The following ANKFN1 variants were observed in gnomAD, a reference collection of about 807,000 sequenced individuals.
The protein encoded by ANKFN1 is ankyrin repeat and fibronectin type III domain containing 1.
A neutral mutation model predicts 108.7 loss-of-function variants in ANKFN1; 74 were observed. That is an observed-to-expected ratio of 0.68 (90% CI 0.56 to 0.83). ANKFN1 has a LOEUF of 0.83. Among genes scored for constraint, ANKFN1 ranks in the 40% least tolerant of loss-of-function variants. The pLI, the probability that ANKFN1 is intolerant of heterozygous loss-of-function variation, is 0.00. For missense variants in ANKFN1, 1,505 were observed against 1,382.3 expected, an observed-to-expected ratio of 1.09 and a Z score of -1.41; for synonymous variants, 547 against 516.2, an observed-to-expected ratio of 1.06 and a Z score of -0.81.
chr17:56,416,587 A>G (rs1268286460), intron 8 of ANKFN1, among the ~76,000 whole-genome samples: 1 of 152,210 alleles, frequency 6.6e-6, no homozygotes, highest in Non-Finnish European at 1.5e-5. Flanking sequence ...AGAAAAGGAA[A>G]TCCTCGTACG....
intron 2 of ANKFN1, 72 bp from the exon 3 acceptor site, chr17:56,227,845 G>T: frequency 8.2e-7 from 1 of 1,223,512 alleles, no homozygotes; most frequent in Non-Finnish European, 1.2e-6. Flanking sequence ...GGCTTCAAAC[G>T]TGACTCCTTT....
intron 4 of ANKFN1, among the ~76,000 whole-genome samples, chr17:56,087,816 G>A (rs570977603): frequency 1.3e-5 from 2 of 151,346 alleles, no homozygotes; most frequent in Non-Finnish European, 3.0e-5. Context: ...TGGCGGCTTT[G>A]GCACTGCAAT....
chr17:56,283,070 C>T (rs572239408), intron 3 of ANKFN1, among the ~76,000 whole-genome samples: 14 of 151,980 alleles, frequency 9.2e-5, no homozygotes, highest in Non-Finnish European at 1.8e-4. Flanking sequence ...ATTTCATCAC[C>T]CAGGTAATAA....
At chr17:56,483,374 C>T (rs1392501520) in intron 18 of ANKFN1, among the ~76,000 whole-genome samples, 1 of 152,138 alleles carries the variant, frequency 6.6e-6, no homozygotes. Context: ...TGGAGGCAGA[C>T]CCTCTCTGGA....
At chr17:56,119,300 G>C (rs1273502261) in intron 4 of ANKFN1, among the ~76,000 whole-genome samples, 1 of 152,144 alleles carries the variant, frequency 6.6e-6, no homozygotes, top group Non-Finnish European at 1.5e-5. Context: ...ACAAGAGCTT[G>C]TAATGCTCCT....
chr17:56,170,775 TATATATATATATA>T (rs1172702477), intron 1 of ANKFN1, among the ~76,000 whole-genome samples: 11 of 50,294 alleles, frequency 2.2e-4, no homozygotes, highest in African/African-American at 1.4e-3. Context: ...AAAAATTTTT[TATATATATATATA>T]TATATATATA....
chr17:56,122,875 A>T (rs889522468), intron 4 of ANKFN1, among the ~76,000 whole-genome samples: 1 of 152,192 alleles, frequency 6.6e-6, no homozygotes, highest in African/African-American at 2.4e-5. Flanking sequence ...ATTATGAGGC[A>T]CCACTTGGCT....
chr17:56,310,619 A>G (rs1451322784), intron 3 of ANKFN1, among the ~76,000 whole-genome samples: 1 of 151,566 alleles, frequency 6.6e-6, no homozygotes, highest in African/African-American at 2.4e-5. Context: ...TCCATCTCAA[A>G]AAAAAAAAAG....
intron 8 of ANKFN1, among the ~76,000 whole-genome samples, chr17:56,406,462 C>T (rs913851658): frequency 3.3e-5 from 5 of 152,012 alleles, no homozygotes; most frequent in African/African-American, 7.2e-5. Context: ...ATAAATTTCC[C>T]CAAAAGAGTC....
At chr17:56,244,882 AT>A (rs908988451) in intron 3 of ANKFN1, among the ~76,000 whole-genome samples, 1 of 151,796 alleles carries the variant, frequency 6.6e-6, no homozygotes, top group Non-Finnish European at 1.5e-5. Flanking sequence ...TCAGATGGCC[AT>A]TTTTTTTGTT....
chr17:56,387,503 A>G (rs2047310352), intron 8 of ANKFN1, among the ~76,000 whole-genome samples: 1 of 152,240 alleles, frequency 6.6e-6, no homozygotes, highest in Non-Finnish European at 1.5e-5. Flanking sequence ...TGCACATATC[A>G]TATGTTAAAA....
intron 1 of ANKFN1, among the ~76,000 whole-genome samples, chr17:56,208,929 C>A (rs897945839): frequency 3.3e-5 from 5 of 151,928 alleles, no homozygotes; most frequent in African/African-American, 1.2e-4. Flanking sequence ...TGTCACCAGG[C>A]TAGAGTAGCA....
At chr17:56,350,288 G>A (rs1024824526) in intron 4 of ANKFN1, among the ~76,000 whole-genome samples, 6 of 152,096 alleles carry the variant, frequency 3.9e-5, no homozygotes, top group Non-Finnish European at 5.9e-5. Context: ...TATGCAGAAG[G>A]TAACTTGTGT....
intron 6 of ANKFN1, among the ~76,000 whole-genome samples, chr17:56,367,113 G>T (rs992157024): frequency 6.6e-6 from 1 of 152,112 alleles, no homozygotes; most frequent in Non-Finnish European, 1.5e-5. Flanking sequence ...TAACAGAAAA[G>T]CTGTTACTAA....
At chr17:56,508,175 C>A (rs1353035860) in intron 20 of ANKFN1, among the ~76,000 whole-genome samples, 1 of 152,190 alleles carries the variant, frequency 6.6e-6, no homozygotes, top group Non-Finnish European at 1.5e-5. Flanking sequence ...TCCCAGCTGG[C>A]CTCCCTGCTA....
intron 4 of ANKFN1, among the ~76,000 whole-genome samples, chr17:56,338,402 G>A (rs1328640032): frequency 6.6e-6 from 1 of 152,010 alleles, no homozygotes; most frequent in Non-Finnish European, 1.5e-5. Context: ...GTATACCTAT[G>A]TAACAAACCT....
At chr17:56,158,835 G>T (rs1488278057) in intron 1 of ANKFN1, among the ~76,000 whole-genome samples, 3 of 152,080 alleles carry the variant, frequency 2.0e-5, no homozygotes, top group African/African-American at 7.2e-5. Flanking sequence ...GAAAAGGAAG[G>T]TATGTGTGAA....
chr17:56,123,839 CAGAGAGAG>C (rs72419531), intron 4 of ANKFN1, among the ~76,000 whole-genome samples: 7 of 142,448 alleles, frequency 4.9e-5, no homozygotes, highest in Admixed American at 1.4e-4. Flanking sequence ...GAGAGAGACA[CAGAGAGAG>C]AGAGAGAGAG....
At chr17:56,293,623 G>A (rs1190498692) in intron 3 of ANKFN1, among the ~76,000 whole-genome samples, 1 of 152,198 alleles carries the variant, frequency 6.6e-6, no homozygotes, top group Non-Finnish European at 1.5e-5. Flanking sequence ...AAAGTGAGAT[G>A]TGGTTGGAGG....
Sources: allele counts gnomAD v4.1 joint callset (sites outside exome capture counted in the v4.1 genomes callset), GRCh38; gene constraint gnomAD v4.1.1; transcripts MANE v1.5; gene names NCBI Gene and HGNC (gene_info 2026-07-23, HGNC 2026-07-21).